CSMD3: variants seen among roughly 807,000 people sequenced by gnomAD.
CSMD3 encodes CUB and Sushi multiple domains 3.
Under a neutral mutation model 435.2 loss-of-function variants are expected in CSMD3, and 177 were observed. That is an observed-to-expected ratio of 0.41 (90% CI 0.36 to 0.46). CSMD3 has a LOEUF of 0.46. Ranked by LOEUF, CSMD3 falls within the 20% of genes least tolerant of loss-of-function variation. CSMD3 has a pLI of 0.34. For synonymous variants in CSMD3, 1,656 were observed against 1,520.5 expected (o/e 1.09, Z -2.07); for missense variants, 4,265 against 4,504.6 (o/e 0.95, Z 1.52).
At chr8:113,171,768 A>T (rs556194845) in intron 4 of CSMD3, among the ~76,000 whole-genome samples, 1 of 152,268 alleles carries the variant, frequency 6.6e-6, no homozygotes, top group African/African-American at 2.4e-5. Context: ...TTGAATGCTC[A>T]TGTTTCTGCA....
chr8:112,466,906 T>A (rs1818012832), intron 32 of CSMD3, among the ~76,000 whole-genome samples: 1 of 152,140 alleles, frequency 6.6e-6, no homozygotes, highest in South Asian at 2.1e-4. Flanking sequence ...AAAATTATAA[T>A]CTTATAATGT....
rs375797134 is a variant in CSMD3 at position 112,897,694 on chromosome 8, C to CTG, written c.1633+23931_1633+23932dup. Among the ~76,000 whole-genome samples, 241 of 91,036 alleles carry CTG rather than the reference C, an allele frequency of 2.6e-3. 3 individuals are homozygous for CTG. The highest frequency in any genetic ancestry group is 4.0e-3 in the Non-Finnish European group (188 of 46,964). 59.7% of individuals were successfully genotyped at this position (91,036 alleles called of 152,430 possible). ...TCTCTCTCTCTCTCTCTCTCTCTCT[C>CTG]TGTGTGTGTGTGTGTGTGTGTGTGT... On this transcript the variant is annotated intron_variant, in intron 10 of 70. Transcript: ENST00000297405.
intron 2 of CSMD3, among the ~76,000 whole-genome samples, chr8:113,286,277 T>A (rs1052394840): frequency 6.6e-6 from 1 of 152,114 alleles, no homozygotes; most frequent in South Asian, 2.1e-4. Flanking sequence ...TTAGAAATGA[T>A]AACGATATTT....
intron 13 of CSMD3, among the ~76,000 whole-genome samples, chr8:112,694,717 T>C (rs971913551): frequency 1.3e-5 from 2 of 152,134 alleles, no homozygotes; most frequent in Non-Finnish European, 2.9e-5. Flanking sequence ...CTAAATCTCA[T>C]AAATTGAGAT....
At chr8:112,334,480 A>G (rs1281311641) in intron 45 of CSMD3, among the ~76,000 whole-genome samples, 2 of 152,222 alleles carry the variant, frequency 1.3e-5, no homozygotes, top group Non-Finnish European at 2.9e-5. Flanking sequence ...TCACATTTTC[A>G]TATAATTTTT....
chr8:112,607,092 G>T (rs1563761995), intron 22 of CSMD3, among the ~76,000 whole-genome samples: 1 of 148,410 alleles, frequency 6.7e-6, no homozygotes. Context: ...AACAAACCAA[G>T]AGTTGGTTTT....
intron 32 of CSMD3, among the ~76,000 whole-genome samples, chr8:112,441,464 C>T (rs1815007600): frequency 6.6e-6 from 1 of 152,170 alleles, no homozygotes; most frequent in African/African-American, 2.4e-5. Flanking sequence ...GTTCCAAACT[C>T]TGCTTGTTAT....
chr8:113,109,173 A>G lies in CSMD3; in HGVS notation c.710-10210T>C, dbSNP rs546860443. Among the ~76,000 whole-genome samples, 4 of 152,372 alleles carry G rather than the reference A, an allele frequency of 2.6e-5. No homozygotes were observed. In the South Asian group the frequency reaches 8.3e-4, roughly 32 times the overall value. ...ACGCTTGATTTATGACAACAGCAACACTGTAGAACGGTGAGGATAAAACAT... is the reference window on the plus strand; with the variant it reads ...ACGCTTGATTTATGACAACAGCAACGCTGTAGAACGGTGAGGATAAAACAT... On this transcript the variant is annotated intron_variant, in intron 4 of 70. Coordinates refer to ENST00000297405, the MANE Select transcript of CSMD3 (RefSeq NM_198123.2).
chr8:112,562,591 A>G (rs965084893), intron 24 of CSMD3, among the ~76,000 whole-genome samples: 18 of 151,476 alleles, frequency 1.2e-4, no homozygotes, highest in African/African-American at 4.3e-4. Context: ...CATATATATT[A>G]ATAAAAGTTG....
chr8:112,233,545 C>A (rs1293338800), intron 68 of CSMD3, among the ~76,000 whole-genome samples: 1 of 152,048 alleles, frequency 6.6e-6, no homozygotes, highest in Non-Finnish European at 1.5e-5. Context: ...TCCTCAGGAA[C>A]CAAACTTATT....
At chr8:113,248,726 G>A (rs1469296558) in intron 3 of CSMD3, among the ~76,000 whole-genome samples, 2 of 151,194 alleles carry the variant, frequency 1.3e-5, no homozygotes, top group African/African-American at 2.4e-5. Context: ...TCCACCACAC[G>A]TATAATACAC....
chr8:112,676,378 C>A (rs1011990986), intron 16 of CSMD3, among the ~76,000 whole-genome samples: 7 of 151,982 alleles, frequency 4.6e-5, no homozygotes, highest in African/African-American at 1.4e-4. Flanking sequence ...GAGGAGAAAC[C>A]AGGAAAGGAG....
At chr8:112,545,316 T>C (rs989477437) in intron 27 of CSMD3, among the ~76,000 whole-genome samples, 1 of 151,464 alleles carries the variant, frequency 6.6e-6, no homozygotes, top group African/African-American at 2.4e-5. Flanking sequence ...ACCCCGTCTC[T>C]ACTAAAAATA....
chr8:113,011,345 CA>C (rs1334636464), intron 6 of CSMD3, among the ~76,000 whole-genome samples: 1 of 151,546 alleles, frequency 6.6e-6, no homozygotes, highest in Non-Finnish European at 1.5e-5. Flanking sequence ...TAGAGTTAAG[CA>C]AAAAAGTGTC....
intron 12 of CSMD3, among the ~76,000 whole-genome samples, chr8:112,805,648 G>A (rs2132355276): frequency 6.6e-6 from 1 of 152,238 alleles, no homozygotes; most frequent in African/African-American, 2.4e-5. Flanking sequence ...TCTAACATCA[G>A]AAACTTTAGT....
At chr8:113,390,767 C>T (rs2094458101) in intron 1 of CSMD3, among the ~76,000 whole-genome samples, 1 of 151,902 alleles carries the variant, frequency 6.6e-6, no homozygotes. Flanking sequence ...TTTAAATAGG[C>T]ACTGTATTTT....
intron 22 of CSMD3, among the ~76,000 whole-genome samples, chr8:112,629,746 A>T (rs117305846): frequency 6.6e-6 from 1 of 152,270 alleles, no homozygotes; most frequent in East Asian, 1.9e-4. Context: ...TCAAAGGATA[A>T]CTGGTATGGT....
At chr8:112,953,199 G>GA (rs1287188486) in intron 8 of CSMD3, among the ~76,000 whole-genome samples, 1 of 151,204 alleles carries the variant, frequency 6.6e-6, no homozygotes, top group Non-Finnish European at 1.5e-5. Context: ...CAAAATATTA[G>GA]AAAAAAATGT....
intron 45 of CSMD3, among the ~76,000 whole-genome samples, chr8:112,331,828 T>C (rs561625783): frequency 6.6e-6 from 1 of 152,212 alleles, no homozygotes; most frequent in African/African-American, 2.4e-5. Context: ...AAATAAGTGT[T>C]AAGCTTATAA....
Sources: allele counts gnomAD v4.1 joint callset (sites outside exome capture counted in the v4.1 genomes callset), GRCh38; gene constraint gnomAD v4.1.1; transcripts MANE v1.5; gene names NCBI Gene and HGNC (gene_info 2026-07-23, HGNC 2026-07-21).